NRG3: variants seen among roughly 807,000 people sequenced by gnomAD.
NRG3 encodes the protein neuregulin 3, also known as pro-neuregulin-3, membrane-bound isoform.
Under a neutral mutation model 66.9 loss-of-function variants are expected in NRG3, and 31 were observed. The ratio of observed to expected loss-of-function variants is 0.46; its 90% CI spans 0.35 to 0.63. The LOEUF (loss-of-function observed/expected upper bound fraction) is 0.63. Among genes scored for constraint, NRG3 ranks in the 20% least tolerant of loss-of-function variants. The pLI, the probability that NRG3 is intolerant of heterozygous loss-of-function variation, is 0.00. For missense variants in NRG3, 910 were observed against 878.9 expected, an observed-to-expected ratio of 1.04 and a Z score of -0.45; for synonymous variants, 393 against 359.4, an observed-to-expected ratio of 1.09 and a Z score of -1.06.
chr10:82,248,597 A>T (rs890711861), intron 1 of NRG3, among the ~76,000 whole-genome samples: 3 of 152,100 alleles, frequency 2.0e-5, no homozygotes, highest in African/African-American at 7.2e-5. Flanking sequence ...GATGAATGGG[A>T]GGGGTCAATA....
At chr10:81,981,126 CTT>C (rs2060318046) in intron 1 of NRG3, among the ~76,000 whole-genome samples, 1 of 152,154 alleles carries the variant, frequency 6.6e-6, no homozygotes, top group Non-Finnish European at 1.5e-5. Flanking sequence ...AGTCCAAAAT[CTT>C]TACCGATTTC....
intron 1 of NRG3, among the ~76,000 whole-genome samples, chr10:82,339,642 A>C (rs1425037202): frequency 6.6e-6 from 1 of 152,170 alleles, no homozygotes; most frequent in Non-Finnish European, 1.5e-5. Context: ...CTGTTTAAAA[A>C]TTTTTAAATT....
intron 3 of NRG3, among the ~76,000 whole-genome samples, chr10:82,809,649 G>A (rs184197693): frequency 9.3e-4 from 141 of 152,118 alleles, no homozygotes; most frequent in African/African-American, 3.0e-3. Context: ...CCCTGTTAAC[G>A]TGGCTGTAGA....
At chr10:82,827,166 T>C (rs181324653) in intron 3 of NRG3, 80 of 339,786 alleles carry the variant, frequency 2.4e-4, no homozygotes, top group Admixed American at 1.1e-3. Context: ...AGTTCTCATC[T>C]TCATAGCCCA....
intron 1 of NRG3, among the ~76,000 whole-genome samples, chr10:82,323,743 C>G (rs995508530): frequency 6.6e-6 from 1 of 151,796 alleles, no homozygotes; most frequent in Non-Finnish European, 1.5e-5. Flanking sequence ...TTGGAGTTAT[C>G]TCTGTGGGAA....
chr10:81,918,351 A>G (rs551388548), intron 1 of NRG3, among the ~76,000 whole-genome samples: 1 of 152,212 alleles, frequency 6.6e-6, no homozygotes, highest in Non-Finnish European at 1.5e-5. Flanking sequence ...TTGAATTCAC[A>G]TATGATATTG....
At chr10:82,271,008 C>T (rs911058262) in intron 1 of NRG3, among the ~76,000 whole-genome samples, 2 of 151,974 alleles carry the variant, frequency 1.3e-5, no homozygotes, top group Non-Finnish European at 2.9e-5. Context: ...ATATTGCCAG[C>T]CAGAAAATCA....
intron 4 of NRG3, among the ~76,000 whole-genome samples, chr10:82,940,530 G>C (rs1043330498): frequency 3.3e-5 from 5 of 152,006 alleles, no homozygotes; most frequent in Admixed American, 2.6e-4. Context: ...ATCTTAACTT[G>C]ATCCTCTTCA....
At chr10:82,184,602 A>G (rs937249791) in intron 1 of NRG3, among the ~76,000 whole-genome samples, 2 of 152,154 alleles carry the variant, frequency 1.3e-5, no homozygotes, top group East Asian at 1.9e-4. Context: ...TATATTTTGC[A>G]AACCCATGAC....
At chr10:82,730,517 C>A (rs1466516804) in intron 2 of NRG3, among the ~76,000 whole-genome samples, 3 of 152,116 alleles carry the variant, frequency 2.0e-5, no homozygotes, top group African/African-American at 7.2e-5. Flanking sequence ...CATTGGAAAA[C>A]CTTCAAGAGT....
intron 4 of NRG3, among the ~76,000 whole-genome samples, chr10:82,888,731 T>C (rs1180282395): frequency 6.6e-6 from 1 of 151,976 alleles, no homozygotes; most frequent in Non-Finnish European, 1.5e-5. Context: ...TATGTATGAC[T>C]GATTCTGATG....
At chr10:82,326,536 T>C (rs2081883215) in intron 1 of NRG3, among the ~76,000 whole-genome samples, 1 of 152,170 alleles carries the variant, frequency 6.6e-6, no homozygotes, top group African/African-American at 2.4e-5. Flanking sequence ...ATATGTTATA[T>C]GCCTAATATA....
intron 8 of NRG3, among the ~76,000 whole-genome samples, chr10:82,982,334 G>A (rs976041941): frequency 4.6e-5 from 7 of 152,102 alleles, no homozygotes; most frequent in African/African-American, 1.4e-4. Context: ...AGAATGCTTC[G>A]ACTCACATAG....
chr10:82,829,434 A>T (rs1452793393), intron 3 of NRG3, among the ~76,000 whole-genome samples: 1 of 152,196 alleles, frequency 6.6e-6, no homozygotes, highest in Non-Finnish European at 1.5e-5. Flanking sequence ...AATCAGAAAG[A>T]TGATAAGGGG....
chr10:81,981,087 A>T (rs187645779), intron 1 of NRG3, among the ~76,000 whole-genome samples: 1 of 152,184 alleles, frequency 6.6e-6, no homozygotes, highest in South Asian at 2.1e-4. Context: ...TCCTTCTCAT[A>T]TGCAAAATAC....
intron 1 of NRG3, among the ~76,000 whole-genome samples, chr10:82,042,667 A>G (rs911479219): frequency 5.3e-5 from 8 of 152,078 alleles, no homozygotes; most frequent in Admixed American, 4.6e-4. Flanking sequence ...CATTGTGGTT[A>G]AGACTTCATT....
chr10:81,943,417 C>A (rs1371760002), intron 1 of NRG3, among the ~76,000 whole-genome samples: 1 of 152,152 alleles, frequency 6.6e-6, no homozygotes, highest in African/African-American at 2.4e-5. Context: ...TATGTGCCAT[C>A]TTTAACAATT....
intron 1 of NRG3, among the ~76,000 whole-genome samples, chr10:81,918,117 C>A (rs1207904300): frequency 6.6e-6 from 1 of 152,118 alleles, no homozygotes; most frequent in Non-Finnish European, 1.5e-5. Context: ...GTTTTGGTCA[C>A]CATTTGACAT....
In NRG3 at chr10:82,331,910, G is replaced by A. The variant is rs573500239; in HGVS notation, c.824-26829G>A. Among the ~76,000 whole-genome samples, 8 of 152,352 alleles carry A rather than the reference G, an allele frequency of 5.3e-5. No homozygotes were observed. In the South Asian group the frequency reaches 1.4e-3, roughly 28 times the overall value. On this transcript the variant is annotated intron_variant, in intron 1 of 8. Transcript: ENST00000372141. ...ATGGGAACAAGCTGGATGCCAAGGA[G>A]TGTGCATGAGCGAGAGCAGAGGCCC... is the stretch of plus-strand genomic sequence containing the variant.
Sources: allele counts gnomAD v4.1 joint callset (sites outside exome capture counted in the v4.1 genomes callset), GRCh38; gene constraint gnomAD v4.1.1; transcripts MANE v1.5; gene names NCBI Gene and HGNC (gene_info 2026-07-23, HGNC 2026-07-21).